The following MSH3 variants were observed in gnomAD, a reference collection of about 807,000 sequenced individuals.
MSH3 encodes mutS homolog 3, also known as DNA mismatch repair protein Msh3.
MSH3 carries 106 observed loss-of-function variants against 123.3 expected under a neutral mutation model. The observed-to-expected ratio is 0.86, with a 90% CI of 0.73 to 1.01. The LOEUF is 1.01. Among genes scored for constraint, MSH3 ranks in the 50% least tolerant of loss-of-function variants. The pLI is 0.00. For synonymous variants in MSH3, 515 were observed against 481.4 expected, an observed-to-expected ratio of 1.07 and a Z score of -0.91; for missense variants, 1,459 against 1,347.6, an observed-to-expected ratio of 1.08 and a Z score of -1.29.
At chr5:80,845,942 A>G (rs568227858) in intron 20 of MSH3, among the ~76,000 whole-genome samples, 1 of 152,140 alleles carries the variant, frequency 6.6e-6, no homozygotes, top group South Asian at 2.1e-4. Context: ...GTTTTGTTCC[A>G]TTGCTGCTGA....
At chr5:80,750,831 G>T (rs1461377725) in intron 12 of MSH3, among the ~76,000 whole-genome samples, 5 of 152,078 alleles carry the variant, frequency 3.3e-5, no homozygotes, top group Admixed American at 3.3e-4. Context: ...TTTGTACTTC[G>T]TGGTCTCTCT....
chr5:80,787,675 A>G lies in MSH3; in HGVS notation c.2543+3A>G, dbSNP rs781690068. 16 of 1,601,660 alleles carry G rather than the reference A, an allele frequency of 1.0e-5. No individual in the cohort carries two copies. The highest frequency in any genetic ancestry group is 1.2e-5 in the Non-Finnish European group (14 of 1,168,808). On this transcript the variant is annotated splice_donor_region_variant and intron_variant, in intron 18 of 23. Transcript: ENST00000265081. The stretch of plus-strand genomic sequence containing the variant: ...GCTAAGCAAGGAGATTACTGCAGGT[A>G]AGATATTTTTCATTTTCCTCTTTAT...
intron 20 of MSH3, among the ~76,000 whole-genome samples, chr5:80,814,912 CTGTT>C (rs1745075238): frequency 6.6e-6 from 1 of 152,196 alleles, no homozygotes. Flanking sequence ...GTAGTTTAAT[CTGTT>C]TAACACCTTC....
chr5:80,701,137 A>G (rs937601342), intron 8 of MSH3, among the ~76,000 whole-genome samples: 1 of 152,194 alleles, frequency 6.6e-6, no homozygotes, highest in African/African-American at 2.4e-5. Context: ...AAAAAATCCT[A>G]CACTAAATAT....
intron 19 of MSH3, 81 bp from the exon 20 acceptor site, chr5:80,813,503 C>A: frequency 7.2e-7 from 1 of 1,393,822 alleles, no homozygotes; most frequent in Non-Finnish European, 1.0e-6. Flanking sequence ...TTGCCTAATG[C>A]ATTTCCACTT....
intron 20 of MSH3, among the ~76,000 whole-genome samples, chr5:80,832,866 C>A (rs1245211750): frequency 6.6e-6 from 1 of 152,056 alleles, no homozygotes. Flanking sequence ...GAAAAGTCCT[C>A]TTTTCCTAAT....
intron 20 of MSH3, among the ~76,000 whole-genome samples, chr5:80,852,106 AT>A (rs1745839773): frequency 6.6e-6 from 1 of 152,202 alleles, no homozygotes; most frequent in South Asian, 2.1e-4. Flanking sequence ...CAGGAGGATC[AT>A]TTGAACCCAG....
At chr5:80,783,866 C>T (rs1388176526) in intron 17 of MSH3, among the ~76,000 whole-genome samples, 2 of 152,046 alleles carry the variant, frequency 1.3e-5, no homozygotes, top group Admixed American at 6.6e-5. Flanking sequence ...GTAATTAGAA[C>T]AAAGACAGCA....
At chr5:80,857,566 T>C (rs955329139) in intron 21 of MSH3, among the ~76,000 whole-genome samples, 2 of 152,246 alleles carry the variant, frequency 1.3e-5, no homozygotes, top group African/African-American at 2.4e-5. Context: ...TCAATAGATA[T>C]AGACCTATTC....
At chr5:80,676,110 A>G (rs888046380) in intron 7 of MSH3, among the ~76,000 whole-genome samples, 6 of 152,196 alleles carry the variant, frequency 3.9e-5, no homozygotes, top group African/African-American at 1.4e-4. Flanking sequence ...GGCTCACTGC[A>G]ACCTCTGCCT....
At chr5:80,811,307 T>C (rs1323499186) in intron 19 of MSH3, among the ~76,000 whole-genome samples, 1 of 152,142 alleles carries the variant, frequency 6.6e-6, no homozygotes, top group African/African-American at 2.4e-5. Context: ...ATGTTGAATT[T>C]TATCAAATAC....
chr5:80,772,712 C>T (rs1458040507), intron 15 of MSH3, among the ~76,000 whole-genome samples: 2 of 151,972 alleles, frequency 1.3e-5, no homozygotes, highest in African/African-American at 4.8e-5. Flanking sequence ...AACCAAAGGC[C>T]TACCTGTTCA....
At chr5:80,762,372 G>A (rs1191143150) in intron 13 of MSH3, among the ~76,000 whole-genome samples, 1 of 151,846 alleles carries the variant, frequency 6.6e-6, no homozygotes, top group Non-Finnish European at 1.5e-5. Flanking sequence ...ACATTGAGAA[G>A]TTACTATTTT....
chr5:80,874,377 C>A (rs1746271831), intron 23 of MSH3, among the ~76,000 whole-genome samples: 1 of 152,140 alleles, frequency 6.6e-6, no homozygotes, highest in Non-Finnish European at 1.5e-5. Context: ...CACACAGCCT[C>A]CTCTAGTGAC....
intron 20 of MSH3, among the ~76,000 whole-genome samples, chr5:80,835,554 C>T (rs971538271): frequency 1.3e-5 from 2 of 152,094 alleles, no homozygotes; most frequent in African/African-American, 4.8e-5. Flanking sequence ...GGCATTTTTA[C>T]ACTAATTAGG....
chr5:80,666,470 G>GA (rs946123537), intron 3 of MSH3, among the ~76,000 whole-genome samples: 3 of 151,450 alleles, frequency 2.0e-5, no homozygotes, highest in Non-Finnish European at 2.9e-5. Context: ...AGATCATCAA[G>GA]AAAAAAAAGG....
Position 80,692,653 on chromosome 5 carries a change from T to TAA in MSH3, c.1340+13561_1340+13562insAA, listed in dbSNP as rs1554068347. 1.9e-4 allele frequency among the ~76,000 whole-genome samples: 26 copies of TAA among 136,922 alleles called. 1 individual carries two copies. Among genetic ancestry groups the TAA allele is most frequent in the Non-Finnish European group, 3.2e-4 (20 of 61,946 alleles). 89.8% of individuals were successfully genotyped at this position (136,922 alleles called of 152,430 possible). On this transcript the variant is annotated intron_variant, in intron 8 of 23. Transcript: ENST00000265081. Reference sequence around the variant, plus strand: ...ATATGTTTATATATGTTTATATAGATATATATATACACATGTATATGTTTA... The same window carrying TAA: ...ATATGTTTATATATGTTTATATAGATAAATATATATACACATGTATATGTTTA...
chr5:80,842,959 G>A (rs1253544570), intron 20 of MSH3, among the ~76,000 whole-genome samples: 1 of 152,148 alleles, frequency 6.6e-6, no homozygotes, highest in African/African-American at 2.4e-5. Context: ...GGAGGGGTGA[G>A]AGAGAGCATC....
chr5:80,866,943 C>T (rs1158718034), intron 22 of MSH3, among the ~76,000 whole-genome samples: 4 of 152,158 alleles, frequency 2.6e-5, no homozygotes, highest in Non-Finnish European at 4.4e-5. Context: ...TAAAATGCCT[C>T]TCTAGATGTT....
Sources: allele counts gnomAD v4.1 joint callset (sites outside exome capture counted in the v4.1 genomes callset), GRCh38; gene constraint gnomAD v4.1.1; transcripts MANE v1.5; gene names NCBI Gene and HGNC (gene_info 2026-07-23, HGNC 2026-07-21).